The following TUT7 variants were observed in gnomAD, a reference collection of about 807,000 sequenced individuals.
The protein encoded by TUT7 is terminal uridylyltransferase 7.
TUT7 carries 33 observed loss-of-function variants against 165.9 expected under a neutral mutation model. That is an observed-to-expected ratio of 0.20 (90% CI 0.15 to 0.27). The LOEUF (loss-of-function observed/expected upper bound fraction) is 0.27. TUT7 is among the 10% of genes least tolerant of loss of function. The pLI, the probability that TUT7 is intolerant of heterozygous loss-of-function variation, is 1.00. For synonymous variants in TUT7, 552 were observed against 608.1 expected (o/e 0.91, Z 1.36); for missense variants, 1,338 against 1,762.3 (o/e 0.76, Z 4.31).
chr9:86,331,251 TAAAAAAAC>T (rs1830287826), intron 10 of TUT7, among the ~76,000 whole-genome samples: 2 of 151,998 alleles, frequency 1.3e-5, no homozygotes, highest in South Asian at 4.2e-4. Flanking sequence ...TCTCTTAAAT[TAAAAAAAC>T]AAAAGAACCA....
Position 86,316,028 on chromosome 9 carries a change from G to A in TUT7, c.3274+1191C>T, listed in dbSNP as rs75138340. Among the ~76,000 whole-genome samples, 658 of 152,228 alleles carry A rather than the reference G, an allele frequency of 4.3e-3. 8 individuals carry two copies. Among genetic ancestry groups the A allele is most frequent in the African/African-American group, 0.015 (632 of 41,510 alleles). On this transcript the variant is annotated intron_variant, in intron 17 of 26. Transcript: ENST00000375963. Reference sequence around the variant, plus strand: ...TGTGACTTAAAGTCTGTTCCTAACCGAAATGTACAAAAACTTTTCATGGAC... The same window carrying A: ...TGTGACTTAAAGTCTGTTCCTAACCAAAATGTACAAAAACTTTTCATGGAC...
intron 11 of TUT7, among the ~76,000 whole-genome samples, chr9:86,326,071 T>C (rs183854019): frequency 4.5e-4 from 68 of 152,330 alleles, no homozygotes; most frequent in Admixed American, 1.4e-3. Context: ...TTCTGACAAG[T>C]TGGAACATAA....
At chr9:86,330,735 G>T (rs1830240710) in intron 10 of TUT7, among the ~76,000 whole-genome samples, 1 of 151,982 alleles carries the variant, frequency 6.6e-6, no homozygotes, top group Non-Finnish European at 1.5e-5. Context: ...CACCCATTTT[G>T]GTTTCCAGCT....
intron 13 of TUT7, 109 bp downstream of exon 13, chr9:86,322,764 G>T: frequency 7.8e-7 from 1 of 1,288,658 alleles, no homozygotes; most frequent in Non-Finnish European, 1.0e-6. Context: ...AGGCCAACTT[G>T]TTCAACACTA....
In TUT7 at chr9:86,323,602, G is replaced by A. The variant is rs998464745; in HGVS notation, c.2148C>T (p.His716=). ...CTGAGTTTTCAGGGTGGACACTGATGTGTTCATTTCCCATTTCTTCTTTTG... is the reference window on the plus strand; with the variant it reads ...CTGAGTTTTCAGGGTGGACACTGATATGTTCATTTCCCATTTCTTCTTTTG... ...SPPKEEMGNE[H]ISVHPENSDC... Residue 716 remains histidine, a synonymous_variant, in exon 13 of 27, where the codon CAC becomes CAT. Coordinates refer to ENST00000375963, the MANE Select transcript of TUT7 (RefSeq NM_024617.4). 42 of 1,614,078 alleles carry A rather than the reference G, an allele frequency of 2.6e-5. No homozygotes were observed. The highest frequency in any genetic ancestry group is 3.4e-5 in the Non-Finnish European group (40 of 1,180,056).
At chr9:86,346,235 T>C in intron 3 of TUT7, 64 bp downstream of exon 3, 1 of 1,520,810 alleles carries the variant, frequency 6.6e-7, no homozygotes, top group East Asian at 2.3e-5. Context: ...GCATACTCAA[T>C]TAACAACAAA....
chr9:86,312,539 G>T (rs1564049047), intron 17 of TUT7, among the ~76,000 whole-genome samples: 1 of 151,524 alleles, frequency 6.6e-6, no homozygotes, highest in Admixed American at 6.6e-5. Flanking sequence ...GAGGTGAGGG[G>T]CGCCTCTGCC....
rs189653692 is a variant in TUT7, at chr9:86,327,639, C to T, written c.1608+701G>A. Among the ~76,000 whole-genome samples, 376 of 152,338 alleles carry T rather than the reference C, an allele frequency of 2.5e-3. 2 individuals are homozygous for T. Among genetic ancestry groups the T allele is most frequent in the Non-Finnish European group, 4.0e-3 (275 of 68,040 alleles). On this transcript the variant is annotated intron_variant, in intron 11 of 26. Transcript: ENST00000375963. ...GGTAGGGTGGTACCACCACTCTCCTCCTCCTCCCAGTGTTCAAGGATTCTA... is the reference window on the plus strand; with the variant it reads ...GGTAGGGTGGTACCACCACTCTCCTTCTCCTCCCAGTGTTCAAGGATTCTA...
chr9:86,316,896 C>T (rs1828772998), intron 17 of TUT7, among the ~76,000 whole-genome samples: 1 of 151,272 alleles, frequency 6.6e-6, no homozygotes, highest in South Asian at 2.1e-4. Context: ...TAATAAAAAA[C>T]TAACGATACA....
chr9:86,304,022 G>T (rs991393434), intron 24 of TUT7, among the ~76,000 whole-genome samples: 3 of 151,112 alleles, frequency 2.0e-5, no homozygotes, highest in African/African-American at 7.4e-5. Flanking sequence ...CAAAGTTTCA[G>T]ATAGACAGGA....
chr9:86,309,742 A>G (rs889640107), intron 19 of TUT7, among the ~76,000 whole-genome samples, 166 bp from the exon 20 acceptor site: 1 of 152,264 alleles, frequency 6.6e-6, no homozygotes, highest in African/African-American at 2.4e-5. Context: ...ACAGCTGGCT[A>G]CGTGCAAGAT....
intron 2 of TUT7, among the ~76,000 whole-genome samples, chr9:86,347,048 A>G (rs1831837517): frequency 6.6e-6 from 1 of 152,192 alleles, no homozygotes; most frequent in African/African-American, 2.4e-5. Context: ...TTTAGCCATC[A>G]ATAACACCTA....
intron 16 of TUT7, 149 bp from the exon 17 acceptor site, chr9:86,317,425 A>C (rs1003968278): frequency 1.2e-5 from 8 of 645,726 alleles, no homozygotes; most frequent in African/African-American, 5.5e-5. Flanking sequence ...TATTAGAGTC[A>C]GTATTCACAG....
Position 86,346,759 on chromosome 9 carries a change from C to T in TUT7, c.521-279G>A, listed in dbSNP as rs568432240. On this transcript the variant is annotated intron_variant, in intron 2 of 26. Coordinates refer to ENST00000375963, the MANE Select transcript of TUT7 (RefSeq NM_024617.4). Reference sequence around the variant, plus strand: ...ATTTTTATTATCTCTTCCTGGTATACTGCTGAGCATAGCAAAGCAACAGAA... The same window carrying T: ...ATTTTTATTATCTCTTCCTGGTATATTGCTGAGCATAGCAAAGCAACAGAA... Among the ~76,000 whole-genome samples the T allele has an allele frequency of 3.3e-5, 5 of 152,244 alleles. No homozygotes were observed. In the East Asian group the frequency reaches 9.6e-4, roughly 29 times the overall value.
chr9:86,340,166 C>G (rs945685752), intron 7 of TUT7, 61 bp from the exon 8 acceptor site: 8 of 1,401,224 alleles, frequency 5.7e-6, no homozygotes, highest in Non-Finnish European at 8.1e-6. Flanking sequence ...AAAAGCAGAA[C>G]CAGATAAAGT....
rs78663939 is a variant in TUT7 at position 86,296,154 on chromosome 9, G to A, written c.4420+5122C>T. ...AATTTATTGAGTGATGAGATGTGTCGGATGCTGTGTTAAGTGCTTTATCTA... is the reference window on the plus strand; with the variant it reads ...AATTTATTGAGTGATGAGATGTGTCAGATGCTGTGTTAAGTGCTTTATCTA... On this transcript the variant is annotated intron_variant, in intron 26 of 26. Transcript: ENST00000375963. Among the ~76,000 whole-genome samples, 901 of 152,242 alleles carry A rather than the reference G, an allele frequency of 5.9e-3. 19 individuals carry two copies. Among genetic ancestry groups the A allele is most frequent in the East Asian group, 0.05 (260 of 5,182 alleles).
rs1426251389 is a variant in TUT7 at position 86,309,198 on chromosome 9, C to T, written c.3660+14G>A. Reference sequence around the variant, plus strand: ...TCAAGGATATAGGAAAATCTTTACTCTTAAAATACGTACCAGTTCATCTAT... The same window carrying T: ...TCAAGGATATAGGAAAATCTTTACTTTTAAAATACGTACCAGTTCATCTAT... On this transcript the variant is annotated intron_variant, in intron 21 of 26. Coordinates refer to ENST00000375963, the MANE Select transcript of TUT7 (RefSeq NM_024617.4). The T allele has an allele frequency of 6.6e-7, 1 of 1,519,432 alleles. No homozygotes were observed. Among genetic ancestry groups the T allele is most frequent in the Admixed American group, 1.8e-5 (1 of 55,822 alleles). 94.1% of individuals were successfully genotyped at this position (1,519,432 alleles called of 1,614,324 possible).
intron 10 of TUT7, among the ~76,000 whole-genome samples, chr9:86,328,860 T>A (rs1260022683): frequency 6.6e-6 from 1 of 152,092 alleles, no homozygotes; most frequent in South Asian, 2.1e-4. Context: ...GGCCTCAGGT[T>A]CCTTTAAAAA....
chr9:86,300,624 A>G (rs1027122773), intron 26 of TUT7, among the ~76,000 whole-genome samples: 1 of 152,252 alleles, frequency 6.6e-6, no homozygotes, highest in Non-Finnish European at 1.5e-5. Flanking sequence ...TCACCCATTT[A>G]GCAAAAATGG....
Sources: gnomAD v4.1 joint callset for allele counts (sites outside exome capture counted in the v4.1 genomes callset) on GRCh38, gnomAD v4.1.1 for gene constraint, MANE v1.5 for transcripts, NCBI Gene and HGNC (gene_info 2026-07-23, HGNC 2026-07-21) for gene names.